KCNMA1: variants seen among roughly 807,000 people sequenced by gnomAD.
KCNMA1 encodes the protein Calcium-activated potassium channel subunit alpha-1.
A neutral mutation model predicts 140.0 loss-of-function variants in KCNMA1; 29 were observed. That is an observed-to-expected ratio of 0.21 (90% confidence interval 0.15 to 0.28). The LOEUF (loss-of-function observed/expected upper bound fraction) is 0.28, where lower values mean the gene tolerates loss of function less well. Ranked by LOEUF, KCNMA1 falls within the 10% of genes least tolerant of loss-of-function variation. The pLI is 1.00. For synonymous variants in KCNMA1, 612 were observed against 611.9 expected (o/e 1.00, Z 0.00); for missense variants, 880 against 1,602.2 (o/e 0.55, Z 7.70).
intron 18 of KCNMA1, among the ~76,000 whole-genome samples, chr10:77,005,508 C>T (rs1203506098): frequency 2.0e-5 from 3 of 152,180 alleles, no homozygotes; most frequent in Admixed American, 6.5e-5. Context: ...ACTTCATGCT[C>T]AATTAACTGC....
chr10:77,479,924 A>G (rs1398955973), intron 1 of KCNMA1, among the ~76,000 whole-genome samples: 3 of 152,156 alleles, frequency 2.0e-5, no homozygotes, highest in Non-Finnish European at 4.4e-5. Context: ...CCTGCTTTAT[A>G]ATTCCTTGTG....
At chr10:77,333,976 C>T (rs745844368) in intron 2 of KCNMA1, among the ~76,000 whole-genome samples, 4 of 152,072 alleles carry the variant, frequency 2.6e-5, no homozygotes, top group African/African-American at 4.8e-5. Context: ...AATAAAGAAA[C>T]ATATTAGCTG....
chr10:77,366,523 G>A (rs755844364), intron 2 of KCNMA1, among the ~76,000 whole-genome samples: 17 of 152,222 alleles, frequency 1.1e-4, no homozygotes, highest in Admixed American at 5.2e-4. Flanking sequence ...TATTATTTTT[G>A]TTACACCACA....
chr10:77,256,688 G>C (rs908561292), intron 2 of KCNMA1, among the ~76,000 whole-genome samples: 3 of 152,070 alleles, frequency 2.0e-5, no homozygotes, highest in African/African-American at 7.2e-5. Flanking sequence ...CAGAACAAAT[G>C]ACCCTAATTA....
At chr10:76,892,840 G>A (rs902171071) in intron 25 of KCNMA1, among the ~76,000 whole-genome samples, 1 of 152,136 alleles carries the variant, frequency 6.6e-6, no homozygotes, top group Non-Finnish European at 1.5e-5. Context: ...ATTCCATGAG[G>A]ACTTCTGAAT....
chr10:77,366,608 A>T (rs1043752558), intron 2 of KCNMA1, among the ~76,000 whole-genome samples: 1 of 152,250 alleles, frequency 6.6e-6, no homozygotes, highest in African/African-American at 2.4e-5. Context: ...TGATGATGAC[A>T]GCAATGTTGC....
chr10:77,197,761 C>G (rs1045495577), intron 3 of KCNMA1, among the ~76,000 whole-genome samples: 3 of 152,150 alleles, frequency 2.0e-5, no homozygotes, highest in Non-Finnish European at 4.4e-5. Flanking sequence ...CAAATGAAAA[C>G]CACAGCTTGG....
At chr10:76,900,281 T>C (rs1283929713) in intron 25 of KCNMA1, among the ~76,000 whole-genome samples, 1 of 152,060 alleles carries the variant, frequency 6.6e-6, no homozygotes, top group Non-Finnish European at 1.5e-5. Context: ...TTTATTATTA[T>C]GGTCACTCAT....
chr10:77,388,637 T>A (rs975585515), intron 2 of KCNMA1, among the ~76,000 whole-genome samples: 1 of 152,248 alleles, frequency 6.6e-6, no homozygotes, highest in Non-Finnish European at 1.5e-5. Context: ...CTCTAAAATA[T>A]ACCACCTATG....
intron 22 of KCNMA1, among the ~76,000 whole-genome samples, chr10:76,948,030 G>C (rs749140412): frequency 6.6e-6 from 1 of 151,966 alleles, no homozygotes; most frequent in African/African-American, 2.4e-5. Flanking sequence ...TTTGAGGCAG[G>C]CTCTTGTTCT....
chr10:77,254,857 A>G (rs530264834), intron 2 of KCNMA1, among the ~76,000 whole-genome samples: 1 of 152,208 alleles, frequency 6.6e-6, no homozygotes, highest in African/African-American at 2.4e-5. Context: ...CAAGGAAAGC[A>G]CAGTACCCCA....
chr10:77,540,720 G>C (rs2059972673), intron 1 of KCNMA1, among the ~76,000 whole-genome samples: 1 of 152,036 alleles, frequency 6.6e-6, no homozygotes, highest in South Asian at 2.1e-4. Context: ...CTAGGAGAAG[G>C]CTGGGCATGG....
intron 2 of KCNMA1, among the ~76,000 whole-genome samples, chr10:77,262,143 A>G (rs2062183427): frequency 6.6e-6 from 1 of 152,214 alleles, no homozygotes; most frequent in African/African-American, 2.4e-5. Context: ...TGCAGCCAAA[A>G]GGTAGAAGCA....
At chr10:77,285,380 C>T (rs1295178691) in intron 2 of KCNMA1, among the ~76,000 whole-genome samples, 1 of 151,912 alleles carries the variant, frequency 6.6e-6, no homozygotes, top group African/African-American at 2.4e-5. Flanking sequence ...AAAGCTTTGG[C>T]AATCCAAACT....
chr10:76,897,048 A>ACACACAC (rs1806705746), intron 25 of KCNMA1, among the ~76,000 whole-genome samples: 12 of 148,856 alleles, frequency 8.1e-5, no homozygotes, highest in Admixed American at 2.0e-4. Flanking sequence ...ACACACACAC[A>ACACACAC]ATTAGTGATA....
intron 1 of KCNMA1, among the ~76,000 whole-genome samples, chr10:77,595,300 T>TCACGC (rs2080517222): frequency 8.3e-6 from 1 of 120,714 alleles, no homozygotes. Flanking sequence ...TGAGCCAAGA[T>TCACGC]CACGCCACTG....
At chr10:77,020,015 C>T (rs2092646627) in intron 16 of KCNMA1, 1 of 152,110 alleles carries the variant, frequency 6.6e-6, no homozygotes, top group Non-Finnish European at 1.5e-5. Context: ...TTCTGCAGAT[C>T]AAAAGCAGAA....
intron 18 of KCNMA1, among the ~76,000 whole-genome samples, chr10:77,004,688 T>C (rs2087787476): frequency 1.3e-5 from 2 of 152,196 alleles, no homozygotes; most frequent in South Asian, 4.1e-4. Context: ...TTAAATTATA[T>C]CAAAGTTAAG....
chr10:77,599,280 A>G (rs2081904945), intron 1 of KCNMA1, among the ~76,000 whole-genome samples: 1 of 152,238 alleles, frequency 6.6e-6, no homozygotes, highest in Non-Finnish European at 1.5e-5. Flanking sequence ...TCTATCAAAA[A>G]TGCATTTAAT....
Sources: gnomAD v4.1 joint callset for allele counts (sites outside exome capture counted in the v4.1 genomes callset) on GRCh38, gnomAD v4.1.1 for gene constraint, MANE v1.5 for transcripts, NCBI Gene and HGNC (gene_info 2026-07-23, HGNC 2026-07-21) for gene names.